The following IL1RAP variants were observed in gnomAD, a reference collection of about 807,000 sequenced individuals.
IL1RAP encodes interleukin 1 receptor accessory protein.
Under a neutral mutation model 60.7 loss-of-function variants are expected in IL1RAP, and 35 were observed. The observed-to-expected ratio is 0.58, with a 90% CI of 0.44 to 0.76. IL1RAP has a LOEUF of 0.76. IL1RAP is among the 30% of genes least tolerant of loss of function. The probability of loss-of-function intolerance (pLI) is 0.00; values close to 1 mark genes in which losing one functional copy is unlikely to be tolerated. For synonymous variants in IL1RAP, 268 were observed against 250.9 expected (o/e 1.07, Z -0.64); for missense variants, 572 against 693.9 (o/e 0.82, Z 1.97).
At chr3:190,523,851 A>G (rs1443547922) in intron 1 of IL1RAP, among the ~76,000 whole-genome samples, 2 of 152,196 alleles carry the variant, frequency 1.3e-5, no homozygotes, top group Non-Finnish European at 2.9e-5. Context: ...TCTTTATAAT[A>G]GAATAATTTA....
intron 1 of IL1RAP, among the ~76,000 whole-genome samples, chr3:190,546,554 T>C (rs78432124): frequency 0.036 from 5,485 of 152,344 alleles, 129 homozygotes; most frequent in South Asian, 0.076. Context: ...TAAGAGCAGA[T>C]ACACTTTTAG....
intron 5 of IL1RAP, among the ~76,000 whole-genome samples, chr3:190,616,162 T>G (rs967959310): frequency 6.6e-6 from 1 of 152,208 alleles, no homozygotes; most frequent in African/African-American, 2.4e-5. Flanking sequence ...TATGAAGTCT[T>G]GAAGCCACTT....
At chr3:190,539,820 A>T (rs1264994360) in intron 1 of IL1RAP, among the ~76,000 whole-genome samples, 1 of 151,854 alleles carries the variant, frequency 6.6e-6, no homozygotes, top group Admixed American at 6.6e-5. Flanking sequence ...GGGACTTGCC[A>T]TTTTTATTTC....
intron 1 of IL1RAP, among the ~76,000 whole-genome samples, chr3:190,537,192 T>C (rs1277364533): frequency 1.3e-5 from 2 of 152,018 alleles, no homozygotes; most frequent in East Asian, 3.9e-4. Context: ...TATTAGATGC[T>C]TTACTTTAGA....
exon 12 of IL1RAP, chr3:190,656,589 C>T (rs199999288): frequency 6.5e-4 from 997 of 1,524,678 alleles, no homozygotes; most frequent in Non-Finnish European, 7.9e-4. Flanking sequence ...CCAATAACAA[C>T]GACTTTTATA....
chr3:190,646,656 C>G (rs1483152918), intron 11 of IL1RAP, among the ~76,000 whole-genome samples: 2 of 152,156 alleles, frequency 1.3e-5, no homozygotes. Context: ...AAACTTTATC[C>G]TGTTGAAATG....
At chr3:190,653,719 T>C (rs1734504181), downstream of IL1RAP, among the ~76,000 whole-genome samples, 1 of 152,166 alleles carries the variant, frequency 6.6e-6, no homozygotes, top group Non-Finnish European at 1.5e-5. Flanking sequence ...ACAAATCTCA[T>C]TATTATATGG....
At chr3:190,572,200 A>G (rs992737238) in intron 3 of IL1RAP, among the ~76,000 whole-genome samples, 2 of 152,194 alleles carry the variant, frequency 1.3e-5, no homozygotes, top group Non-Finnish European at 2.9e-5. Flanking sequence ...AAAATTGCTT[A>G]ATGGACTGAT....
chr3:190,557,542 A>T (rs1725528218), intron 2 of IL1RAP, among the ~76,000 whole-genome samples: 1 of 152,170 alleles, frequency 6.6e-6, no homozygotes, highest in Non-Finnish European at 1.5e-5. Flanking sequence ...CTGTTATATC[A>T]GTAAAGGTTA....
At chr3:190,629,621 G>A in intron 9 of IL1RAP, 123 bp downstream of exon 9, 1 of 1,411,574 alleles carries the variant, frequency 7.1e-7, no homozygotes, top group Non-Finnish European at 9.3e-7. Context: ...CTAACCCATA[G>A]TAATGAATCA....
At chr3:190,594,632 T>C (rs529100623) in intron 3 of IL1RAP, among the ~76,000 whole-genome samples, 57 of 152,116 alleles carry the variant, frequency 3.7e-4, no homozygotes, top group Non-Finnish European at 7.6e-4. Context: ...CTGGGAAATG[T>C]TACTTTTAAA....
chr3:190,522,838 T>C (rs1722206934), intron 1 of IL1RAP, among the ~76,000 whole-genome samples: 2 of 152,130 alleles, frequency 1.3e-5, no homozygotes, highest in Admixed American at 6.5e-5. Context: ...TGAGCAGATA[T>C]CTAGGATATC....
intron 1 of IL1RAP, among the ~76,000 whole-genome samples, chr3:190,537,458 T>C (rs16865572): frequency 0.019 from 2,948 of 152,248 alleles, 94 homozygotes; most frequent in African/African-American, 0.068. Context: ...ATTAGCAGCT[T>C]TTGACAGTAA....
chr3:190,635,789 A>C (rs1482025032), intron 9 of IL1RAP, among the ~76,000 whole-genome samples: 2 of 152,192 alleles, frequency 1.3e-5, no homozygotes, highest in Non-Finnish European at 2.9e-5. Flanking sequence ...TTAGAAAAAA[A>C]GTCTGGGAGC....
chr3:190,644,879 C>T lies in IL1RAP; in HGVS notation c.1201+482C>T, dbSNP rs78981085. On this transcript the variant is annotated intron_variant, in intron 10 of 11. Coordinates refer to ENST00000447382, the MANE Select transcript of IL1RAP (RefSeq NM_002182.4). Reference sequence around the variant, plus strand: ...TCAAACCAGCCACATTTCGAGTGAGCAATAGACTCGTGACTCGTGGCTGCT... The same window carrying T: ...TCAAACCAGCCACATTTCGAGTGAGTAATAGACTCGTGACTCGTGGCTGCT... 6.7e-3 allele frequency among the ~76,000 whole-genome samples: 1,028 copies of T among 152,306 alleles called. 9 individuals are homozygous for T. The highest frequency in any genetic ancestry group is 0.023 in the African/African-American group (947 of 41,564).
At chr3:190,528,414 C>A (rs575699785) in intron 1 of IL1RAP, among the ~76,000 whole-genome samples, 1 of 152,218 alleles carries the variant, frequency 6.6e-6, no homozygotes, top group East Asian at 1.9e-4. Flanking sequence ...GACTCTTTTC[C>A]AAGGTAAGGA....
At chr3:190,565,179 G>GAAACAAAC (rs571331742) in intron 3 of IL1RAP, among the ~76,000 whole-genome samples, 1 of 146,432 alleles carries the variant, frequency 6.8e-6, no homozygotes, top group Admixed American at 6.8e-5. Flanking sequence ...AAAAAAAAAA[G>GAAACAAAC]AAACAAACAA....
chr3:190,624,039 A>T (rs974619675), intron 7 of IL1RAP, among the ~76,000 whole-genome samples: 1 of 152,252 alleles, frequency 6.6e-6, no homozygotes. Context: ...ATGTTGTATC[A>T]CTTACAATAC....
chr3:190,639,633 T>C (rs1733503553), intron 9 of IL1RAP, among the ~76,000 whole-genome samples: 2 of 152,246 alleles, frequency 1.3e-5, no homozygotes, highest in Non-Finnish European at 2.9e-5. Context: ...TTAGCTAATA[T>C]AGACTTTTTT....
Sources: gnomAD v4.1 joint callset for allele counts (sites outside exome capture counted in the v4.1 genomes callset) on GRCh38, gnomAD v4.1.1 for gene constraint, MANE v1.5 for transcripts, NCBI Gene and HGNC (gene_info 2026-07-23, HGNC 2026-07-21) for gene names.